EFNA2: variants seen among roughly 807,000 people sequenced by gnomAD.
EFNA2 encodes ephrin A2.
A neutral mutation model predicts 19.7 loss-of-function variants in EFNA2; 18 were observed. The ratio of observed to expected loss-of-function variants is 0.91; its 90% confidence interval spans 0.63 to 1.35. The LOEUF is 1.35. Among genes scored for constraint, EFNA2 ranks in the 40% most tolerant of loss-of-function variants. EFNA2 has a pLI of 0.00. For synonymous variants in EFNA2, 187 were observed against 137.8 expected (o/e 1.36, Z -2.50); for missense variants, 303 against 296.0 (o/e 1.02, Z -0.17).
At chr19:1,298,962 C>T (rs996065698) in intron 3 of EFNA2, among the ~76,000 whole-genome samples, 2 of 150,368 alleles carry the variant, frequency 1.3e-5, no homozygotes, top group African/African-American at 2.5e-5. Flanking sequence ...CAAAGCAGGC[C>T]GGTTGGGTGG....
Position 1,295,675 on chromosome 19 carries a change from CT to C in EFNA2, c.272del (p.Leu91ArgfsTer76), listed in dbSNP as rs1166249737. ...GGCCGAGCGCATGGAGCACTACGTG[CT>C]GTACATGGTCAACGGCGAGGGCCAC... ...PPAERMEHYVLYMVNGEGHAS... is the reference protein window; with the variant it reads ...PPAERMEHYVXYMVNGEGHAS... On this transcript the variant is annotated frameshift_variant, in exon 2 of 4. Coordinates refer to ENST00000215368, the MANE Select transcript of EFNA2 (RefSeq NM_001405.4). LOFTEE classifies it high-confidence loss of function. This position sits in a 1 kb window ranked among gnomAD's most constrained non-coding sequence, Gnocchi z 5.8. 2 of 1,611,190 alleles carry C rather than the reference CT, an allele frequency of 1.2e-6. No homozygotes were observed. The highest frequency in any genetic ancestry group is 1.3e-5 in the African/African-American group (1 of 74,784).
chr19:1,290,795 C>G (rs2081487759), intron 1 of EFNA2, among the ~76,000 whole-genome samples: 1 of 152,206 alleles, frequency 6.6e-6, no homozygotes, highest in African/African-American at 2.4e-5. Flanking sequence ...TGCCCACCGT[C>G]CCGTCGCCCC....
Position 1,286,235 on chromosome 19 carries a change from T to C in EFNA2, c.67T>C (p.Phe23Leu). The change falls in exon 1 of 4, where the codon TTC (phenylalanine) becomes CTC (leucine). Residue 23 changes from phenylalanine (F) to leucine (L), a missense_variant. Physicochemically the swap from Phe to Leu is conservative, Grantham distance 22. Coordinates refer to ENST00000215368, the MANE Select transcript of EFNA2 (RefSeq NM_001405.4). The surrounding 1 kb of genome is among the most constrained non-coding windows in gnomAD (Gnocchi z 5.6). ...LLLLPLPPPP[F>L]ARAEDAARAN... ...GCTGTTACCGCTGCCGCCGCCGCCC[T>C]TCGCGCGCGCCGAGGACGCCGCCCG... is the stretch of plus-strand genomic sequence containing the variant. 1 of 1,125,632 alleles carries C rather than the reference T, an allele frequency of 8.9e-7. No homozygotes were observed. Among genetic ancestry groups the C allele is most frequent in the Non-Finnish European group, 1.1e-6 (1 of 906,246 alleles). 69.7% of individuals were successfully genotyped at this position (1,125,632 alleles called of 1,614,324 possible).
At chr19:1,288,775 G>T (rs1445647942) in intron 1 of EFNA2, among the ~76,000 whole-genome samples, 2 of 151,984 alleles carry the variant, frequency 1.3e-5, no homozygotes, top group African/African-American at 4.8e-5. Flanking sequence ...ATAAGGTGGG[G>T]CCCCGTTGGG....
At chr19:1,291,838 C>T (rs1277958798) in intron 1 of EFNA2, among the ~76,000 whole-genome samples, 1 of 151,748 alleles carries the variant, frequency 6.6e-6, no homozygotes, top group Non-Finnish European at 1.5e-5. Context: ...CCAGGAGGCC[C>T]GGGTGGGCAG....
In EFNA2 at chr19:1,294,760, C is replaced by T. The variant is rs920757183; in HGVS notation, c.141-785C>T. The stretch of plus-strand genomic sequence containing the variant: ...TCCGTTCTCTTTGGGGAAACTGAGG[C>T]CAGGGTGGGGGCAGAGCTTGCCCCA... On this transcript the variant is annotated intron_variant, in intron 1 of 3. Coordinates refer to ENST00000215368, the MANE Select transcript of EFNA2 (RefSeq NM_001405.4). The surrounding 1 kb of genome is among the most constrained non-coding windows in gnomAD (Gnocchi z 5.8). Among the ~76,000 whole-genome samples the T allele has an allele frequency of 2.0e-5, 3 of 151,926 alleles. No individual in the cohort carries two copies. Among genetic ancestry groups the T allele is most frequent in the African/African-American group, 4.8e-5 (2 of 41,332 alleles).
chr19:1,289,660 A>G (rs1600055463), intron 1 of EFNA2, among the ~76,000 whole-genome samples: 1 of 151,992 alleles, frequency 6.6e-6, no homozygotes, highest in South Asian at 2.1e-4. Context: ...GGCTTCGGCC[A>G]CCCTCCCGGG....
chr19:1,284,341 C>T (rs539977513), upstream of EFNA2, among the ~76,000 whole-genome samples: 23 of 152,318 alleles, frequency 1.5e-4, no homozygotes, highest in South Asian at 6.2e-4. The surrounding 1 kb of genome is among the most constrained non-coding windows in gnomAD (Gnocchi z 5.3). Context: ...CCCGGCCAGC[C>T]CTGGGCCTTC....
Position 1,299,828 on chromosome 19 carries a change from G to T in EFNA2, c.525G>T (p.Glu175Asp), listed in dbSNP as rs1282576616. The T allele has an allele frequency of 3.7e-6, 6 of 1,600,998 alleles. No homozygotes were observed. The Admixed American group carries it at 8.4e-5, about 22-fold the overall frequency. Residue 175 changes from glutamate to aspartate, a missense_variant, in exon 4 of 4, where the codon GAG (glutamate) becomes GAT (aspartate). By Grantham distance (45) the Glu-to-Asp change is conservative. Transcript: ENST00000215368. ...TGCTGTCTCTGCCACCCGCAGACGA[G>T]ACCCTGTACGAGGCTCCTGAGCCCA... ...RLKVYVRPTN[E>D]TLYEAPEPIF...
Position 1,286,408 on chromosome 19 carries a change from C to T in EFNA2, c.140+100C>T, listed in dbSNP as rs1192257659. On this transcript the variant is annotated intron_variant, in intron 1 of 3. Coordinates refer to ENST00000215368, the MANE Select transcript of EFNA2 (RefSeq NM_001405.4). This position sits in a 1 kb window ranked among gnomAD's most constrained non-coding sequence, Gnocchi z 5.6. Reference sequence around the variant, plus strand: ...CGGAGCTCCGGGCGCCCCCCACGCGCGCGCCGCCGCCGGGATGCGGGCGCC... The same window carrying T: ...CGGAGCTCCGGGCGCCCCCCACGCGTGCGCCGCCGCCGGGATGCGGGCGCC... 1.6e-5 allele frequency: 7 copies of T among 425,928 alleles called. No homozygotes were observed. The highest frequency in any genetic ancestry group is 2.2e-5 in the Non-Finnish European group (7 of 321,192). 26.4% of individuals were successfully genotyped at this position (425,928 alleles called of 1,614,324 possible). A position where few individuals can be genotyped will look rare whatever the true frequency, so the allele number is the denominator to read the frequency against.
Position 1,300,068 on chromosome 19 carries a change from GCCTGGTGCCGCCC to G in EFNA2, c.*126_*138del, listed in dbSNP as rs1568872667. 1 of 1,331,126 alleles carries G rather than the reference GCCTGGTGCCGCCC, an allele frequency of 7.5e-7. No homozygotes were observed. Among genetic ancestry groups the G allele is most frequent in the Admixed American group, 2.9e-5 (1 of 34,136 alleles). The allele number at this position is 1,331,126 out of a possible 1,614,324, so 82.5% of individuals were successfully genotyped here. A position where few individuals can be genotyped will look rare whatever the true frequency, so the allele number is the denominator to read the frequency against. On this transcript the variant is annotated 3_prime_UTR_variant, in exon 4 of 4. Coordinates refer to ENST00000215368, the MANE Select transcript of EFNA2 (RefSeq NM_001405.4). ...CAAATAGAGACGCTGCTTCTCCCTCGCCTGGTGCCGCCCCCGCCGGGCAGGGGCCATCCACCCG... is the reference window on the plus strand; with the variant it reads ...CAAATAGAGACGCTGCTTCTCCCTCGCCGCCGGGCAGGGGCCATCCACCCG...
chr19:1,292,556 C>T (rs1047584265), intron 1 of EFNA2, among the ~76,000 whole-genome samples: 2 of 152,194 alleles, frequency 1.3e-5, no homozygotes, highest in Non-Finnish European at 2.9e-5. Flanking sequence ...GGGAACAGCA[C>T]TGCAGGCAGT....
chr19:1,298,977 C>T (rs577805024), intron 3 of EFNA2, among the ~76,000 whole-genome samples: 6 of 152,142 alleles, frequency 3.9e-5, no homozygotes, highest in African/African-American at 7.2e-5. Context: ...GGGTGGCTCA[C>T]GCCTGTAATC....
At position 1,295,682 on chromosome 19, in the gene EFNA2, T is replaced by G; in HGVS notation, c.278T>G (p.Met93Arg). 1.2e-6 allele frequency: 2 copies of G among 1,609,782 alleles called. No individual in the cohort carries two copies. Among genetic ancestry groups the G allele is most frequent in the Non-Finnish European group, 1.7e-6 (2 of 1,178,512 alleles). Residue 93 changes from methionine (M) to arginine (R), a missense_variant, in exon 2 of 4, where the codon ATG (methionine) becomes AGG (arginine). Coordinates refer to ENST00000215368, the MANE Select transcript of EFNA2 (RefSeq NM_001405.4). The surrounding 1 kb of genome is among the most constrained non-coding windows in gnomAD (Gnocchi z 5.8). ...AERMEHYVLY[M>R]VNGEGHASCD... ...CGCATGGAGCACTACGTGCTGTACA[T>G]GGTCAACGGCGAGGGCCACGCCTCC...
In EFNA2 at chr19:1,295,914, G is replaced by A; in HGVS notation, c.454+56G>A. Reference sequence around the variant, plus strand: ...CCCGAGTGGGCGGGGACGCGGGGGCGGGGCCAGGAAGTGGGCGGGACCACT... The same window carrying A: ...CCCGAGTGGGCGGGGACGCGGGGGCAGGGCCAGGAAGTGGGCGGGACCACT... On this transcript the variant is annotated intron_variant, in intron 2 of 3. Coordinates refer to ENST00000215368, the MANE Select transcript of EFNA2 (RefSeq NM_001405.4). This position sits in a 1 kb window ranked among gnomAD's most constrained non-coding sequence, Gnocchi z 5.8. 2.0e-6 allele frequency: 3 copies of A among 1,487,058 alleles called. No homozygotes were observed. Among genetic ancestry groups the A allele is most frequent in the Non-Finnish European group, 2.7e-6 (3 of 1,118,490 alleles). The allele number at this position is 1,487,058 out of a possible 1,614,324, so 92.1% of individuals were successfully genotyped here. A position where few individuals can be genotyped will look rare whatever the true frequency, so the allele number is the denominator to read the frequency against.
At chr19:1,289,310 C>T (rs1476348216) in intron 1 of EFNA2, among the ~76,000 whole-genome samples, 1 of 152,104 alleles carries the variant, frequency 6.6e-6, no homozygotes, top group Non-Finnish European at 1.5e-5. Flanking sequence ...CTGCCTGTGG[C>T]ATGCATGCGT....
intron 1 of EFNA2, among the ~76,000 whole-genome samples, chr19:1,290,303 C>T (rs2081485468): frequency 6.6e-6 from 1 of 152,184 alleles, no homozygotes; most frequent in Admixed American, 6.5e-5. Flanking sequence ...GGGTCTCTGT[C>T]TTCCCCATCT....
intron 1 of EFNA2, among the ~76,000 whole-genome samples, chr19:1,289,964 G>A (rs903454509): frequency 2.0e-5 from 3 of 152,290 alleles, no homozygotes; most frequent in African/African-American, 7.2e-5. Context: ...AGAGCCGGGC[G>A]GTGGGCCTGG....
intron 1 of EFNA2, among the ~76,000 whole-genome samples, chr19:1,290,165 T>C (rs182261446): frequency 3.9e-5 from 6 of 151,904 alleles, no homozygotes; most frequent in Non-Finnish European, 8.8e-5. Flanking sequence ...CTGGTGTGGA[T>C]GGGCAAAGGC....
Sources: gnomAD v4.1 joint callset for allele counts (sites outside exome capture counted in the v4.1 genomes callset) on GRCh38, gnomAD v4.1.1 for gene constraint, Gnocchi (gnomAD v3.1) non-coding constraint, MANE v1.5 for transcripts, NCBI Gene and HGNC (gene_info 2026-07-23, HGNC 2026-07-21) for gene names.